MYO18A: variants seen among roughly 807,000 people sequenced by gnomAD.
MYO18A encodes the protein myosin XVIIIA.
A neutral mutation model predicts 235.8 loss-of-function variants in MYO18A; 78 were observed. That is an observed-to-expected ratio of 0.33 (90% confidence interval 0.28 to 0.40). The LOEUF is 0.40. MYO18A is among the 10% of genes least tolerant of loss of function. The pLI is 1.00. For missense variants in MYO18A, 2,215 were observed against 2,699.3 expected (o/e 0.82, Z 3.98); for synonymous variants, 977 against 1,077.8 (o/e 0.91, Z 1.83).
chr17:29,110,287 AAAG>A (rs2066897617), intron 18 of MYO18A, 146 bp downstream of exon 18: 9 of 1,261,058 alleles, frequency 7.1e-6, no homozygotes, highest in South Asian at 3.1e-5. Flanking sequence ...GCAGCACTGA[AAAG>A]AAGACCCCCA....
chr17:29,179,645 C>A (rs895253816), intron 1 of MYO18A, among the ~76,000 whole-genome samples: 25 of 152,156 alleles, frequency 1.6e-4, no homozygotes, highest in Non-Finnish European at 2.9e-5. Flanking sequence ...GTGAGGTGAG[C>A]ATTCAGTCTC....
chr17:29,152,052 G>A (rs1304359422), intron 2 of MYO18A, among the ~76,000 whole-genome samples: 1 of 152,210 alleles, frequency 6.6e-6, no homozygotes. Context: ...GGAACAGATT[G>A]GCGGGTCTGA....
chr17:29,178,468 C>G (rs2068581729), intron 1 of MYO18A, among the ~76,000 whole-genome samples: 1 of 150,376 alleles, frequency 6.6e-6, no homozygotes, highest in Admixed American at 6.7e-5. Flanking sequence ...CCCCCAAAGC[C>G]ATGGTTTTCC....
chr17:29,098,526 C>T (rs545638520), intron 23 of MYO18A, 81 bp from the exon 24 acceptor site: 21 of 1,510,844 alleles, frequency 1.4e-5, no homozygotes, highest in South Asian at 2.3e-5. Flanking sequence ...CTGTAGTGAA[C>T]GAAGCTGATG....
chr17:29,171,571 G>A (rs929051278), intron 1 of MYO18A, among the ~76,000 whole-genome samples: 5 of 152,076 alleles, frequency 3.3e-5, no homozygotes, highest in African/African-American at 4.8e-5. Context: ...TGATGTCTAC[G>A]TTTTACTTTG....
In MYO18A at chr17:29,094,635, C is replaced by T; in HGVS notation, c.4710+15G>A. On this transcript the variant is annotated intron_variant, in intron 30 of 41. Coordinates refer to ENST00000527372, the MANE Select transcript of MYO18A (RefSeq NM_078471.4). Reference sequence around the variant, plus strand: ...CGCTGCACCTCACCTCTCCCTTGGCCAAGCCCTCCTGTACCTGTTCCAGCA... The same window carrying T: ...CGCTGCACCTCACCTCTCCCTTGGCTAAGCCCTCCTGTACCTGTTCCAGCA... 1 of 1,613,970 alleles carries T rather than the reference C, an allele frequency of 6.2e-7. No individual in the cohort carries two copies.
At position 29,115,372 on chromosome 17, in the gene MYO18A, A is replaced by C; in HGVS notation, c.2297T>G (p.Leu766Arg). Residue 766 changes from leucine to arginine, a missense_variant, in exon 13 of 42, where the codon CTT becomes CGT. Transcript: ENST00000527372. ...AAGLYSELFT[L>R]LVSLVNRALK... Reference sequence around the variant, plus strand: ...TCACCTATTCACCAGGGAGACGAGAAGGGTGAAGAGCTCGCTGTAGAGGCC... The same window carrying C: ...TCACCTATTCACCAGGGAGACGAGACGGGTGAAGAGCTCGCTGTAGAGGCC... The C allele has an allele frequency of 6.2e-7, 1 of 1,613,980 alleles. No individual in the cohort carries two copies. Among genetic ancestry groups the C allele is most frequent in the Non-Finnish European group, 8.5e-7 (1 of 1,179,866 alleles).
intron 2 of MYO18A, among the ~76,000 whole-genome samples, chr17:29,138,085 C>T (rs1020537159): frequency 2.6e-5 from 4 of 152,106 alleles, no homozygotes; most frequent in South Asian, 2.1e-4. Flanking sequence ...AGAGCCTACC[C>T]GCCCTTAACC....
At chr17:29,100,790 A>G (rs1483623686) in intron 21 of MYO18A, among the ~76,000 whole-genome samples, 1 of 152,254 alleles carries the variant, frequency 6.6e-6, no homozygotes, top group Non-Finnish European at 1.5e-5. Context: ...CAACAGACAC[A>G]GTATCCCAAG....
At chr17:29,156,307 T>C (rs1031589589) in intron 2 of MYO18A, among the ~76,000 whole-genome samples, 1 of 152,144 alleles carries the variant, frequency 6.6e-6, no homozygotes, top group Admixed American at 6.5e-5. Flanking sequence ...GTAGCCCCCA[T>C]GTAATCCTGA....
In MYO18A at chr17:29,140,957, C is replaced by A. The variant is rs984424106; in HGVS notation, c.1000-18704G>T. On this transcript the variant is annotated intron_variant, in intron 2 of 41. Coordinates refer to ENST00000527372, the MANE Select transcript of MYO18A (RefSeq NM_078471.4). This position sits in a 1 kb window ranked among gnomAD's most constrained non-coding sequence, Gnocchi z 4.2. The stretch of plus-strand genomic sequence containing the variant: ...CATCCAAGACAGCACACGGGGCCCA[C>A]TGCACACTGTGCCCAAACAGCAGCC... 2.6e-5 allele frequency among the ~76,000 whole-genome samples: 4 copies of A among 152,262 alleles called. No homozygotes were observed. Among genetic ancestry groups the A allele is most frequent in the African/African-American group, 7.2e-5 (3 of 41,480 alleles).
In MYO18A at chr17:29,118,130, C is replaced by A; in HGVS notation, c.1953G>T (p.Val651=). 2 of 1,596,430 alleles carry A rather than the reference C, an allele frequency of 1.3e-6. No homozygotes were observed. Among genetic ancestry groups the A allele is most frequent in the Non-Finnish European group, 8.5e-7 (1 of 1,170,988 alleles). The change falls in exon 10 of 42, where the codon GTG becomes GTT. Residue 651 remains valine, a synonymous_variant. Coordinates refer to ENST00000527372, the MANE Select transcript of MYO18A (RefSeq NM_078471.4). The surrounding 1 kb of genome is among the most constrained non-coding windows in gnomAD (Gnocchi z 4.2). ...QFSKLQAAMK[V]LGISPDEQKA... The stretch of plus-strand genomic sequence containing the variant: ...TCTGTTCATCGGGGGAGATGCCCAG[C>A]ACCTTCATGGCCGCCTGCAGCTTAC...
chr17:29,104,802 G>C (rs973413249), intron 20 of MYO18A, among the ~76,000 whole-genome samples: 1 of 152,120 alleles, frequency 6.6e-6, no homozygotes, highest in African/African-American at 2.4e-5. Context: ...GAAACCAGGA[G>C]TGGCAGCAAA....
chr17:29,089,045 CA>C (rs34652243), intron 37 of MYO18A, among the ~76,000 whole-genome samples: 392 of 103,366 alleles, frequency 3.8e-3, no homozygotes, highest in Admixed American at 5.0e-3. Flanking sequence ...GACCCTATCT[CA>C]AAAAAAAAAA....
chr17:29,084,681 A>G (rs1460469656), intron 40 of MYO18A, among the ~76,000 whole-genome samples: 1 of 152,020 alleles, frequency 6.6e-6, no homozygotes, highest in Non-Finnish European at 1.5e-5. Flanking sequence ...TCACTGTTAC[A>G]CACTATTACA....
chr17:29,147,889 CAAAAAA>C (rs11389237), intron 2 of MYO18A, among the ~76,000 whole-genome samples: 2 of 87,100 alleles, frequency 2.3e-5, no homozygotes, highest in African/African-American at 4.3e-5. Flanking sequence ...GCCTGGGTGA[CAAAAAA>C]AAAAAAAAAA....
At chr17:29,075,167 A>G (rs1386633896) in intron 41 of MYO18A, 1 of 421,502 alleles carries the variant, frequency 2.4e-6, no homozygotes, top group African/African-American at 2.0e-5. Flanking sequence ...GTGCATAAGA[A>G]TCTGATGCAG....
chr17:29,127,182 A>C (rs973097506), intron 2 of MYO18A, among the ~76,000 whole-genome samples: 1 of 152,096 alleles, frequency 6.6e-6, no homozygotes, highest in African/African-American at 2.4e-5. Flanking sequence ...GCCCCCCCAA[A>C]CAAAATATTT....
rs186106569 is a variant in MYO18A, at chr17:29,122,042, C to G, written c.1088-85G>C. 40 of 1,510,238 alleles carry G rather than the reference C, an allele frequency of 2.6e-5. No homozygotes were observed. In the Middle Eastern group the frequency reaches 1.2e-3, roughly 45 times the overall value. The allele number at this position is 1,510,238 out of a possible 1,614,324, so 93.6% of individuals were successfully genotyped here. A position where few individuals can be genotyped will look rare whatever the true frequency, so the allele number is the denominator to read the frequency against. On this transcript the variant is annotated intron_variant, in intron 3 of 41. Transcript: ENST00000527372. ...GAACTTCTCGGTCCTATCCTCCCCC[C>G]CACTGCATCACCAGCCTCTCCTTGC...
Sources: allele counts gnomAD v4.1 joint callset (sites outside exome capture counted in the v4.1 genomes callset), GRCh38; gene constraint gnomAD v4.1.1; non-coding constraint Gnocchi (gnomAD v3.1); transcripts MANE v1.5; gene names NCBI Gene and HGNC (gene_info 2026-07-23, HGNC 2026-07-21).